The following COLGALT1 variants were observed in gnomAD, a reference collection of about 807,000 sequenced individuals.
The protein encoded by COLGALT1 is procollagen galactosyltransferase 1.
In COLGALT1, 43 loss-of-function variants were observed where a neutral mutation model predicts 60.8. The observed-to-expected ratio is 0.71, with a 90% CI of 0.55 to 0.91. COLGALT1 has a LOEUF of 0.91. COLGALT1 is among the 40% of genes least tolerant of loss of function. The probability of loss-of-function intolerance (pLI) is 0.00; values close to 1 mark genes in which losing one functional copy is unlikely to be tolerated. For missense variants in COLGALT1, 845 were observed against 880.0 expected (o/e 0.96, Z 0.50); for synonymous variants, 369 against 374.2 (o/e 0.99, Z 0.16).
intron 3 of COLGALT1, among the ~76,000 whole-genome samples, chr19:17,566,544 G>A (rs1247994358): frequency 6.6e-6 from 1 of 151,954 alleles, no homozygotes; most frequent in Non-Finnish European, 1.5e-5. Context: ...CAGAACTATT[G>A]TAGGCCATGG....
chr19:17,562,503 A>G (rs2144819882), intron 3 of COLGALT1, among the ~76,000 whole-genome samples: 1 of 152,248 alleles, frequency 6.6e-6, no homozygotes, highest in East Asian at 1.9e-4. Context: ...TTTCTACCAA[A>G]ATATAAACAT....
intron 1 of COLGALT1, among the ~76,000 whole-genome samples, chr19:17,558,898 G>A (rs1034621426): frequency 1.3e-5 from 2 of 151,908 alleles, no homozygotes; most frequent in Non-Finnish European, 2.9e-5. Context: ...GGTGGCTCAC[G>A]CTTGTTAAGT....
chr19:17,562,576 G>GTCTT (rs981363443), intron 3 of COLGALT1, among the ~76,000 whole-genome samples: 2 of 151,896 alleles, frequency 1.3e-5, no homozygotes, highest in Non-Finnish European at 2.9e-5. Flanking sequence ...GCAGGAGAAT[G>GTCTT]TCTTGAACCC....
intron 1 of COLGALT1, among the ~76,000 whole-genome samples, chr19:17,556,896 G>GAGTA (rs2076215404): frequency 6.6e-6 from 1 of 152,208 alleles, no homozygotes; most frequent in Non-Finnish European, 1.5e-5. Context: ...CTGGGCTACA[G>GAGTA]AGTAAGACCT....
intron 1 of COLGALT1, chr19:17,556,633 C>A (rs924100588): frequency 1.5e-6 from 1 of 677,350 alleles, no homozygotes; most frequent in Non-Finnish European, 1.8e-6. Context: ...AAAATGGGTC[C>A]GGGTGCAGTG....
At chr19:17,573,968 C>G (rs1478088980) in intron 6 of COLGALT1, among the ~76,000 whole-genome samples, 1 of 152,046 alleles carries the variant, frequency 6.6e-6, no homozygotes, top group South Asian at 2.1e-4. Flanking sequence ...GGCAGCAGAG[C>G]CAGACCCTGT....
chr19:17,560,604 T>G, intron 3 of COLGALT1, 139 bp downstream of exon 3: 4 of 678,812 alleles, frequency 5.9e-6, no homozygotes, highest in Non-Finnish European at 1.1e-5. Context: ...GGGAGATGAG[T>G]TGCTTGAGGT....
intron 9 of COLGALT1, 70 bp downstream of exon 9, chr19:17,578,159 G>A: frequency 1.4e-6 from 2 of 1,442,862 alleles, no homozygotes; most frequent in East Asian, 2.5e-5. Context: ...GACGGGAAAG[G>A]GGTTGAAAGA....
intron 3 of COLGALT1, among the ~76,000 whole-genome samples, chr19:17,564,057 G>A (rs1300261666): frequency 8.4e-5 from 3 of 35,686 alleles, no homozygotes; most frequent in Non-Finnish European, 3.2e-4. Context: ...GCAACATAGT[G>A]AGACCCCCCC....
chr19:17,580,463 C>A, intron 10 of COLGALT1: 1 of 577,858 alleles, frequency 1.7e-6, no homozygotes, highest in South Asian at 2.0e-5. Flanking sequence ...ATCCTGCTCT[C>A]CCCAGCTCCA....
At chr19:17,577,816 C>T in intron 8 of COLGALT1, 141 bp from the exon 9 acceptor site, 4 of 1,124,292 alleles carry the variant, frequency 3.6e-6, no homozygotes, top group Non-Finnish European at 3.8e-6. Flanking sequence ...GTGAGTGAGG[C>T]CCCATGTGCC....
intron 6 of COLGALT1, among the ~76,000 whole-genome samples, chr19:17,574,520 G>A (rs1316336598): frequency 1.3e-5 from 2 of 152,150 alleles, no homozygotes; most frequent in East Asian, 3.9e-4. Flanking sequence ...AGTAGAGACG[G>A]GGTTTCACCA....
chr19:17,565,193 C>G (rs1160017580), intron 3 of COLGALT1, among the ~76,000 whole-genome samples: 1 of 151,610 alleles, frequency 6.6e-6, no homozygotes, highest in Non-Finnish European at 1.5e-5. Context: ...GTTGCTCTGT[C>G]GCGCAGGTTT....
chr19:17,578,357 T>G (rs1359650159), intron 9 of COLGALT1, among the ~76,000 whole-genome samples: 3 of 152,156 alleles, frequency 2.0e-5, no homozygotes, highest in African/African-American at 7.2e-5. Context: ...GTCTGGGGCC[T>G]GGGACCTGTA....
At chr19:17,579,455 G>A in intron 9 of COLGALT1, 27 bp from the exon 10 acceptor site, 1 of 1,614,092 alleles carries the variant, frequency 6.2e-7, no homozygotes. Flanking sequence ...TGGCCTCCCT[G>A]TGATGTGGCG....
At position 17,581,526 on chromosome 19, in the gene COLGALT1, A is replaced by G; in HGVS notation, c.*82A>G. 6.7e-7 allele frequency: 1 copy of G among 1,498,218 alleles called. No homozygotes were observed. The highest frequency in any genetic ancestry group is 1.3e-5 in the South Asian group (1 of 76,812). The allele number at this position is 1,498,218 out of a possible 1,614,324, so 92.8% of individuals were successfully genotyped here. A position where few individuals can be genotyped will look rare whatever the true frequency, so the allele number is the denominator to read the frequency against. On this transcript the variant is annotated 3_prime_UTR_variant, in exon 12 of 12. Coordinates refer to ENST00000252599, the MANE Select transcript of COLGALT1 (RefSeq NM_024656.4). Reference sequence around the variant, plus strand: ...CTGAGGACATCAGGTCCACCTCTGGACCCCTTGGCAGGCCACAGAGGGCTC... The same window carrying G: ...CTGAGGACATCAGGTCCACCTCTGGGCCCCTTGGCAGGCCACAGAGGGCTC...
intron 6 of COLGALT1, 22 bp from the exon 7 acceptor site, chr19:17,577,173 C>T: frequency 1.9e-6 from 3 of 1,612,130 alleles, no homozygotes; most frequent in South Asian, 2.2e-5. Flanking sequence ...CCCAGCGACT[C>T]CTCAACGTCT....
chr19:17,577,221 C>G lies in COLGALT1; in HGVS notation c.976C>G (p.Arg326Gly). 6.4e-7 allele frequency: 1 copy of G among 1,569,372 alleles called. No homozygotes were observed. Among genetic ancestry groups the G allele is most frequent in the South Asian group, 1.1e-5 (1 of 89,480 alleles). ...GAAGCACCCGCCCGCAGAGCCCTCC[C>G]GCTTCATCTCGGCTCCCACCAAGAC... ...MVKHPPAEPS[R>G]FISAPTKTPD... is the part of the protein sequence containing the mutation. The change falls in exon 7 of 12, where the codon CGC (arginine) becomes GGC (glycine). Residue 326 changes from arginine to glycine, a missense_variant. Arg to Gly is a moderately radical substitution (Grantham distance 125). Coordinates refer to ENST00000252599, the MANE Select transcript of COLGALT1 (RefSeq NM_024656.4).
chr19:17,571,900 AG>A (rs2144834348), intron 5 of COLGALT1: 1 of 151,988 alleles, frequency 6.6e-6, no homozygotes, highest in South Asian at 2.1e-4. Flanking sequence ...GCTGGAGTGC[AG>A]TGTGCCATCA....
Sources: allele counts gnomAD v4.1 joint callset (sites outside exome capture counted in the v4.1 genomes callset), GRCh38; gene constraint gnomAD v4.1.1; transcripts MANE v1.5; gene names NCBI Gene and HGNC (gene_info 2026-07-23, HGNC 2026-07-21).